The following DPH6 variants were observed in gnomAD, a reference collection of about 807,000 sequenced individuals.
The protein encoded by DPH6 is diphthamine biosynthesis 6.
Under a neutral mutation model 38.2 loss-of-function variants are expected in DPH6, and 33 were observed. The ratio of observed to expected loss-of-function variants is 0.86; its 90% CI spans 0.65 to 1.15. The LOEUF (loss-of-function observed/expected upper bound fraction) is 1.15, where lower values mean the gene tolerates loss of function less well. Ranked by LOEUF, DPH6 falls within the 50% of genes most tolerant of loss-of-function variation. The pLI, the probability that DPH6 is intolerant of heterozygous loss-of-function variation, is 0.00. For missense variants in DPH6, 325 were observed against 320.0 expected (o/e 1.02, Z -0.12); for synonymous variants, 108 against 103.0 (o/e 1.05, Z -0.30).
intron 3 of DPH6, among the ~76,000 whole-genome samples, chr15:35,483,473 C>T (rs201575622): frequency 1.4e-5 from 2 of 142,968 alleles, no homozygotes; most frequent in Admixed American, 6.9e-5. Context: ...CAAAAAAAAA[C>T]CAAAAAAAAA....
the DPH6 span, among the ~76,000 whole-genome samples, chr15:35,149,519 G>T: frequency 2.6e-4 from 39 of 152,298 alleles, 2 homozygotes; most frequent in Non-Finnish European, 2.9e-5. Context: ...TTACAGGCGT[G>T]AGCCACTGTG....
At chr15:35,447,812 AT>A (rs2053875645) in intron 5 of DPH6, among the ~76,000 whole-genome samples, 1 of 151,902 alleles carries the variant, frequency 6.6e-6, no homozygotes, top group African/African-American at 2.4e-5. Flanking sequence ...CAAAAAAAAA[AT>A]CTACGAAATG....
At chr15:35,456,667 T>C (rs2054001704) in intron 3 of DPH6, among the ~76,000 whole-genome samples, 1 of 151,846 alleles carries the variant, frequency 6.6e-6, no homozygotes, top group African/African-American at 2.4e-5. Flanking sequence ...TTTGTATTTT[T>C]AGTAGAGACG....
At chr15:35,179,722 G>A in the DPH6 span, among the ~76,000 whole-genome samples, 2 of 152,128 alleles carry the variant, frequency 1.3e-5, no homozygotes, top group African/African-American at 2.4e-5. Flanking sequence ...ATGCTAGGAT[G>A]GCCCTTTGTT....
chr15:35,275,810 T>C (rs2051854394), intron 3 of DPH6, among the ~76,000 whole-genome samples: 1 of 152,172 alleles, frequency 6.6e-6, no homozygotes, highest in African/African-American at 2.4e-5. Flanking sequence ...TTGTATTCCA[T>C]CATAGATATA....
intron 3 of DPH6, among the ~76,000 whole-genome samples, chr15:35,255,917 T>C (rs2051705058): frequency 6.6e-6 from 1 of 152,158 alleles, no homozygotes; most frequent in African/African-American, 2.4e-5. Context: ...ACACACATCA[T>C]ATGTGCACAC....
At chr15:35,459,640 A>G (rs2054038288) in intron 3 of DPH6, among the ~76,000 whole-genome samples, 1 of 152,180 alleles carries the variant, frequency 6.6e-6, no homozygotes, top group Non-Finnish European at 1.5e-5. Flanking sequence ...ACCTCAAGAA[A>G]TAGGATATAG....
chr15:35,366,175 T>C (rs112160503), downstream of DPH6, among the ~76,000 whole-genome samples: 9 of 151,758 alleles, frequency 5.9e-5, no homozygotes, highest in African/African-American at 2.2e-4. Context: ...TGACAGCAAA[T>C]TCCCATGCAC....
intron 3 of DPH6, among the ~76,000 whole-genome samples, chr15:35,247,423 C>A (rs80083186): frequency 2.0e-5 from 3 of 152,262 alleles, no homozygotes; most frequent in African/African-American, 4.8e-5. Flanking sequence ...ATTTCATATG[C>A]CAACAGAGTG....
At chr15:35,322,822 T>C (rs1465403994) in intron 3 of DPH6, among the ~76,000 whole-genome samples, 1 of 152,146 alleles carries the variant, frequency 6.6e-6, no homozygotes, top group Non-Finnish European at 1.5e-5. Context: ...AACTGTTCTG[T>C]ATTGTGGGAC....
At chr15:35,308,863 A>G (rs1422802293) in intron 3 of DPH6, among the ~76,000 whole-genome samples, 1 of 152,240 alleles carries the variant, frequency 6.6e-6, no homozygotes, top group Non-Finnish European at 1.5e-5. Context: ...CTGCCAAAAT[A>G]AACAAGCTGA....
At chr15:35,192,260 C>G in the DPH6 span, among the ~76,000 whole-genome samples, 2 of 152,106 alleles carry the variant, frequency 1.3e-5, no homozygotes, top group African/African-American at 4.8e-5. Flanking sequence ...AACCTGTTTT[C>G]TCAGTAATAG....
intron 6 of DPH6, among the ~76,000 whole-genome samples, chr15:35,402,223 C>A (rs929475319): frequency 6.6e-6 from 1 of 152,160 alleles, no homozygotes; most frequent in Non-Finnish European, 1.5e-5. Flanking sequence ...TTATATACAA[C>A]CTGCTTGTGT....
chr15:35,369,687 A>G (rs2052693459), downstream of DPH6, among the ~76,000 whole-genome samples: 1 of 151,740 alleles, frequency 6.6e-6, no homozygotes, highest in Admixed American at 6.6e-5. Flanking sequence ...TTAAGCTATA[A>G]CAATGAAGAG....
intron 3 of DPH6, among the ~76,000 whole-genome samples, chr15:35,221,505 C>A (rs1314725707): frequency 6.6e-6 from 1 of 152,214 alleles, no homozygotes; most frequent in Non-Finnish European, 1.5e-5. Flanking sequence ...AGCTCATGCA[C>A]TCTGTGTCTG....
chr15:35,222,572 G>A (rs1595434115), intron 3 of DPH6, among the ~76,000 whole-genome samples: 1 of 152,110 alleles, frequency 6.6e-6, no homozygotes, highest in East Asian at 1.9e-4. Flanking sequence ...GATGAGAAAT[G>A]GTTGCATTCT....
chr15:35,234,741 A>C (rs2051540043), intron 3 of DPH6, among the ~76,000 whole-genome samples: 1 of 152,236 alleles, frequency 6.6e-6, no homozygotes, highest in Non-Finnish European at 1.5e-5. Flanking sequence ...AAACTGTATC[A>C]ATGCAAGTAA....
chr15:35,217,794 G>T (rs553651791), exon 4 of DPH6: 1 of 152,246 alleles, frequency 6.6e-6, no homozygotes, highest in Admixed American at 6.5e-5. Context: ...AGTTTATATT[G>T]CAAAGGGATA....
the DPH6 span, among the ~76,000 whole-genome samples, chr15:35,185,052 A>G: frequency 4.0e-5 from 6 of 151,880 alleles, no homozygotes; most frequent in African/African-American, 9.7e-5. Context: ...ATATATGTAG[A>G]AAAATTGACA....
Sources: allele counts gnomAD v4.1 joint callset (sites outside exome capture counted in the v4.1 genomes callset), GRCh38; gene constraint gnomAD v4.1.1; transcripts MANE v1.5; gene names NCBI Gene and HGNC (gene_info 2026-07-23, HGNC 2026-07-21).